UNKL: variants seen among roughly 807,000 people sequenced by gnomAD.
UNKL encodes unk like zinc finger.
In UNKL, 60 loss-of-function variants were observed where a neutral mutation model predicts 78.0. That is an observed-to-expected ratio of 0.77 (90% CI 0.63 to 0.95). The LOEUF (loss-of-function observed/expected upper bound fraction) is 0.95. Ranked by LOEUF, UNKL falls within the 40% of genes least tolerant of loss-of-function variation. The probability of loss-of-function intolerance (pLI) is 0.00; values close to 1 mark genes in which losing one functional copy is unlikely to be tolerated. For synonymous variants in UNKL, 608 were observed against 474.8 expected (o/e 1.28, Z -3.65); for missense variants, 1,159 against 1,045.7 (o/e 1.11, Z -1.49).
chr16:1,379,644 A>C (rs1441365944), intron 10 of UNKL: 1 of 984,320 alleles, frequency 1.0e-6, no homozygotes, highest in Admixed American at 6.2e-5. Flanking sequence ...ATGCTGACTC[A>C]CGGTCCGCGG....
rs930083928 is a variant in UNKL, at chr16:1,370,251, C to A, written c.1464G>T (p.Ser488=). 2.0e-6 allele frequency: 3 copies of A among 1,533,816 alleles called. No homozygotes were observed. Among genetic ancestry groups the A allele is most frequent in the Non-Finnish European group, 1.8e-6 (2 of 1,142,832 alleles). ...CCGGCCCTGGGAGGGGCTGGGACAG[C>A]GAACCGAGCGGCGAGGTGGACGCAG... is the stretch of plus-strand genomic sequence containing the variant. The part of the protein sequence containing the change: ...PSSASTSPLG[S]LSQPLPGPVG... The change falls in exon 12 of 15, where the codon TCG becomes TCT. Residue 488 remains serine (S), a synonymous_variant. Coordinates refer to ENST00000389221, the MANE Select transcript of UNKL (RefSeq NM_001372107.1).
At chr16:1,396,742 C>T (rs1022655198) in intron 6 of UNKL, among the ~76,000 whole-genome samples, 5 of 151,982 alleles carry the variant, frequency 3.3e-5, no homozygotes, top group South Asian at 2.1e-4. Context: ...TACAGACGCC[C>T]GCCACCACGC....
intron 6 of UNKL, 128 bp from the exon 7 acceptor site, chr16:1,394,343 C>T (rs1479694981): frequency 2.6e-6 from 3 of 1,143,392 alleles, no homozygotes; most frequent in East Asian, 2.6e-5. Flanking sequence ...AAAAGGGGGG[C>T]GTGGGCCCTG....
chr16:1,384,815 T>C (rs1233620055), intron 10 of UNKL, among the ~76,000 whole-genome samples: 2 of 152,110 alleles, frequency 1.3e-5, no homozygotes, highest in Non-Finnish European at 2.9e-5. Flanking sequence ...CCCAGGCTGG[T>C]CTTCAACTTC....
intron 6 of UNKL, among the ~76,000 whole-genome samples, chr16:1,395,239 C>T (rs2142155083): frequency 6.7e-6 from 1 of 150,088 alleles, no homozygotes; most frequent in African/African-American, 2.5e-5. Context: ...GCCATCTTGG[C>T]CCACTGCAAC....
chr16:1,398,476 A>G, intron 5 of UNKL: 1 of 1,201,608 alleles, frequency 8.3e-7, no homozygotes, highest in South Asian at 1.9e-5. Flanking sequence ...AGCTGCTCAG[A>G]GGGAGACTGA....
chr16:1,412,927 G>C (rs1055076518), intron 2 of UNKL, among the ~76,000 whole-genome samples: 2 of 152,100 alleles, frequency 1.3e-5, no homozygotes, highest in Non-Finnish European at 2.9e-5. Context: ...CCAGAGGTTG[G>C]TTCTCATGCA....
At chr16:1,384,746 G>A (rs570978637) in intron 10 of UNKL, among the ~76,000 whole-genome samples, 5 of 152,190 alleles carry the variant, frequency 3.3e-5, no homozygotes, top group East Asian at 1.9e-4. Flanking sequence ...CCACAGGTGC[G>A]CACCACCATG....
intron 2 of UNKL, among the ~76,000 whole-genome samples, chr16:1,410,784 A>G (rs1195090759): frequency 1.3e-5 from 2 of 152,220 alleles, no homozygotes; most frequent in African/African-American, 4.8e-5. Context: ...GACATCAACT[A>G]GACAAATACC....
chr16:1,398,743 C>A lies in UNKL; in HGVS notation c.734+631G>T, dbSNP rs115632399. 4,059 of 1,520,356 alleles carry A rather than the reference C, an allele frequency of 2.7e-3. 104 individuals carry two copies. The African/African-American group carries it at 0.046, about 17-fold the overall frequency. 94.2% of individuals were successfully genotyped at this position (1,520,356 alleles called of 1,614,324 possible). ...GGAGGCAAGCCAGGCCAGGCACAAC[C>A]AGAAGGCCGGGCTGGAGCAAGGAGG... is the stretch of plus-strand genomic sequence containing the variant. On this transcript the variant is annotated intron_variant, in intron 5 of 14. Coordinates refer to ENST00000389221, the MANE Select transcript of UNKL (RefSeq NM_001372107.1).
intron 10 of UNKL, among the ~76,000 whole-genome samples, chr16:1,380,131 C>T (rs1460158175): frequency 6.6e-6 from 1 of 152,224 alleles, no homozygotes; most frequent in African/African-American, 2.4e-5. Context: ...GAAACCTGTT[C>T]CTATGAAGTG....
At chr16:1,406,089 AC>A (rs2037749992) in intron 2 of UNKL, 2 of 456,452 alleles carry the variant, frequency 4.4e-6, no homozygotes, top group Non-Finnish European at 8.8e-6. Context: ...GGCTTAGGAG[AC>A]AGGCAGTGTA....
intron 10 of UNKL, among the ~76,000 whole-genome samples, chr16:1,382,620 T>C (rs1273584821): frequency 6.6e-6 from 1 of 152,024 alleles, no homozygotes; most frequent in Non-Finnish European, 1.5e-5. Flanking sequence ...GAGGGGGAGA[T>C]GCACACGGCC....
At position 1,367,177 on chromosome 16, in the gene UNKL, C is replaced by T. The variant is rs1274365164; in HGVS notation, c.1961G>A (p.Gly654Asp). 3.7e-6 allele frequency: 6 copies of T among 1,605,626 alleles called. No individual in the cohort carries two copies. Among genetic ancestry groups the T allele is most frequent in the Admixed American group, 1.7e-5 (1 of 59,468 alleles). The stretch of plus-strand genomic sequence containing the variant: ...GGGAATGGTGCCGATGTCCCCACAG[C>T]CCCGCAGCCCCGGCAGTGTGGAGGC... ...GVASTLPGLR[G>D]CGDIGTIPLP... The change falls in exon 14 of 15, where the codon GGC becomes GAC. Residue 654 changes from glycine to aspartate, a missense_variant. Coordinates refer to ENST00000389221, the MANE Select transcript of UNKL (RefSeq NM_001372107.1).
In UNKL at chr16:1,385,373, C is replaced by T. The variant is rs762823346; in HGVS notation, c.1099G>A (p.Val367Met). The T allele has an allele frequency of 2.8e-5, 39 of 1,400,184 alleles. No individual in the cohort carries two copies. The highest frequency in any genetic ancestry group is 2.3e-4 in the South Asian group (15 of 65,776). 86.7% of individuals were successfully genotyped at this position (1,400,184 alleles called of 1,614,324 possible). ...GCCGGCGGGTGGACCGCTGCAAACACGGCCAGGTGGTTCTGTTCAAAGACA... is the reference window on the plus strand; with the variant it reads ...GCCGGCGGGTGGACCGCTGCAAACATGGCCAGGTGGTTCTGTTCAAAGACA... ...EQDSKQNHLA[V>M]FAAVHPPAPS... The change falls in exon 10 of 15, where the codon GTG becomes ATG. Residue 367 changes from valine to methionine, a missense_variant. Transcript: ENST00000389221.
intron 2 of UNKL, 78 bp downstream of exon 2, chr16:1,413,768 C>T: frequency 3.5e-6 from 5 of 1,431,860 alleles, no homozygotes; most frequent in Non-Finnish European, 4.6e-6. Flanking sequence ...AAGGCGTCCG[C>T]TGAGGGTCCC....
chr16:1,413,717 T>C (rs1348327815), intron 2 of UNKL, 129 bp downstream of exon 2: 1 of 1,055,736 alleles, frequency 9.5e-7, no homozygotes. Context: ...AATTTCAGCG[T>C]ATAATTACGA....
chr16:1,376,190 TC>T (rs2036208153), intron 10 of UNKL, among the ~76,000 whole-genome samples: 1 of 121,452 alleles, frequency 8.2e-6, no homozygotes, highest in Admixed American at 8.6e-5. Context: ...GGCATGCTCC[TC>T]CCTCCTCCCT....
Position 1,399,985 on chromosome 16 carries a change from G to GTT in UNKL, c.599-478_599-477dup, listed in dbSNP as rs1259682262. Among the ~76,000 whole-genome samples the GTT allele has an allele frequency of 1.3e-5, 2 of 152,200 alleles. No homozygotes were observed. Among genetic ancestry groups the GTT allele is most frequent in the African/African-American group, 2.4e-5 (1 of 41,444 alleles). On this transcript the variant is annotated intron_variant, in intron 4 of 14. Coordinates refer to ENST00000389221, the MANE Select transcript of UNKL (RefSeq NM_001372107.1). The surrounding 1 kb of genome is among the most constrained non-coding windows in gnomAD (Gnocchi z 5.8). ...AAGCACACATCAGTGTGGGTTCACT[G>GTT]TTGGTAAAGAGCGTACCTCGCAGTG...
Sources: allele counts gnomAD v4.1 joint callset (sites outside exome capture counted in the v4.1 genomes callset), GRCh38; gene constraint gnomAD v4.1.1; non-coding constraint Gnocchi (gnomAD v3.1); transcripts MANE v1.5; gene names NCBI Gene and HGNC (gene_info 2026-07-23, HGNC 2026-07-21).